Variants in ROBO2 observed in about 807,000 individuals in gnomAD.
The protein encoded by ROBO2 is roundabout guidance receptor 2.
A neutral mutation model predicts 160.8 loss-of-function variants in ROBO2; 53 were observed. That is an observed-to-expected ratio of 0.33 (90% CI 0.26 to 0.41). The LOEUF (loss-of-function observed/expected upper bound fraction) is 0.41. ROBO2 is among the 10% of genes least tolerant of loss of function. ROBO2 has a pLI of 1.00. For synonymous variants in ROBO2, 664 were observed against 611.7 expected, an observed-to-expected ratio of 1.09 and a Z score of -1.26; for missense variants, 1,577 against 1,722.4, an observed-to-expected ratio of 0.92 and a Z score of 1.49.
chr3:77,014,439 T>C (rs1169869838), intron 2 of ROBO2, among the ~76,000 whole-genome samples: 1 of 152,130 alleles, frequency 6.6e-6, no homozygotes, highest in Non-Finnish European at 1.5e-5. Flanking sequence ...ACGGAGATAC[T>C]CATAAGGTGA....
chr3:76,144,085 T>C (rs13074390), intron 2 of ROBO2, among the ~76,000 whole-genome samples: 127,681 of 151,872 alleles, frequency 0.84, 54,890 homozygotes, highest in East Asian at 0.98. Flanking sequence ...CACAGACACC[T>C]CAGAATGATG....
intron 6 of ROBO2, among the ~76,000 whole-genome samples, chr3:77,539,093 G>C (rs893462473): frequency 6.6e-6 from 1 of 151,968 alleles, no homozygotes; most frequent in Non-Finnish European, 1.5e-5. Context: ...AATTTGTTTT[G>C]TATTTTAGTG....
At chr3:76,629,438 G>T (rs541258462) in intron 2 of ROBO2, among the ~76,000 whole-genome samples, 2 of 152,148 alleles carry the variant, frequency 1.3e-5, no homozygotes, top group Non-Finnish European at 2.9e-5. Flanking sequence ...AAAGAAGCCA[G>T]TCCAAGTTCC....
intron 2 of ROBO2, among the ~76,000 whole-genome samples, chr3:76,257,572 T>C (rs568105138): frequency 1.3e-5 from 2 of 152,324 alleles, no homozygotes; most frequent in Non-Finnish European, 2.9e-5. Context: ...ATATTGTATG[T>C]GCTGATCGCT....
chr3:77,150,906 T>C (rs1280135028), intron 2 of ROBO2, among the ~76,000 whole-genome samples: 1 of 152,154 alleles, frequency 6.6e-6, no homozygotes, highest in African/African-American at 2.4e-5. Flanking sequence ...GATTTGACCA[T>C]GTGAAAGTCA....
chr3:77,477,529 A>T lies in ROBO2; in HGVS notation c.504A>T (p.Lys168Asn), dbSNP rs1408163131. The T allele has an allele frequency of 6.2e-7, 1 of 1,614,046 alleles. No individual in the cohort carries two copies. The highest frequency in any genetic ancestry group is 1.3e-5 in the African/African-American group (1 of 74,920). The change falls in exon 3 of 26, where the codon AAA (lysine) becomes AAT (asparagine). Residue 168 changes from lysine to asparagine, a missense_variant. Physicochemically the swap from Lys to Asn is moderately conservative, Grantham distance 94. Transcript: ENST00000461745. The stretch of plus-strand genomic sequence containing the variant: ...ACCCAGAACCCACCATCTACTGGAA[A>T]AAAGACAAAGTTCGAATTGATGACA...
intron 2 of ROBO2, among the ~76,000 whole-genome samples, chr3:76,472,978 CAGT>C (rs1279303649): frequency 1.3e-5 from 2 of 152,066 alleles, no homozygotes; most frequent in African/African-American, 2.4e-5. Flanking sequence ...AGAAGACTAT[CAGT>C]GGTGTTTACG....
chr3:76,395,002 C>T (rs2077356320), intron 2 of ROBO2, among the ~76,000 whole-genome samples: 1 of 152,120 alleles, frequency 6.6e-6, no homozygotes, highest in African/African-American at 2.4e-5. Flanking sequence ...GAACTCTCCA[C>T]CCCAAATCAA....
chr3:76,068,540 A>G (rs932994493), intron 2 of ROBO2, among the ~76,000 whole-genome samples: 2 of 152,168 alleles, frequency 1.3e-5, no homozygotes, highest in African/African-American at 2.4e-5. Flanking sequence ...ACATTATTCC[A>G]CCAACTTTTC....
chr3:76,688,519 A>G (rs1320152561), intron 2 of ROBO2, among the ~76,000 whole-genome samples: 2 of 151,832 alleles, frequency 1.3e-5, no homozygotes, highest in Non-Finnish European at 2.9e-5. Context: ...ACTAAACATT[A>G]AAGTATGAAA....
chr3:76,881,745 G>C (rs1227518811), intron 2 of ROBO2, among the ~76,000 whole-genome samples: 3 of 152,200 alleles, frequency 2.0e-5, no homozygotes, highest in Non-Finnish European at 4.4e-5. Flanking sequence ...CTCTGAATAT[G>C]TCTTTTGACC....
chr3:77,502,692 G>T (rs141529408), intron 5 of ROBO2, among the ~76,000 whole-genome samples: 30 of 152,118 alleles, frequency 2.0e-4, no homozygotes, highest in African/African-American at 6.7e-4. Context: ...AAAAATAATA[G>T]AAATAAAAAT....
At chr3:76,390,765 G>A (rs1466424859) in intron 2 of ROBO2, among the ~76,000 whole-genome samples, 1 of 152,042 alleles carries the variant, frequency 6.6e-6, no homozygotes, top group South Asian at 2.1e-4. Context: ...GAAAATGTTG[G>A]TCTTGCCCCT....
At position 76,284,105 on chromosome 3, in the gene ROBO2, G is replaced by GTTTT. The variant is rs1197210973; in HGVS notation, c.109+346504_109+346507dup. Reference sequence around the variant, plus strand: ...TATCCTTATTTTTCCATTACTGTATGTTTTCACCTTTAAAAAATATAGATG... The same window carrying GTTTT: ...TATCCTTATTTTTCCATTACTGTATGTTTTTTTTCACCTTTAAAAAATATAGATG... On this transcript the variant is annotated intron_variant, in intron 2 of 26. Coordinates refer to the ROBO2 transcript ENST00000487694. Among the ~76,000 whole-genome samples the GTTTT allele has an allele frequency of 9.9e-5, 15 of 151,872 alleles. No individual in the cohort carries two copies. The East Asian group carries it at 2.9e-3, about 30-fold the overall frequency.
chr3:76,860,769 A>C (rs2070690711), intron 2 of ROBO2, among the ~76,000 whole-genome samples: 1 of 116,938 alleles, frequency 8.6e-6, no homozygotes, highest in Non-Finnish European at 1.8e-5. Context: ...AACAACAAAC[A>C]AAAAAATCAC....
chr3:76,524,450 C>T (rs2081817114), intron 2 of ROBO2, among the ~76,000 whole-genome samples: 1 of 151,782 alleles, frequency 6.6e-6, no homozygotes, highest in African/African-American at 2.4e-5. Flanking sequence ...ATTAGAAGGT[C>T]CCTTATAGAT....
rs575536694 is a variant in ROBO2 at position 75,973,490 on chromosome 3, C to T, written c.109+35888C>T. Among the ~76,000 whole-genome samples the T allele has an allele frequency of 3.3e-4, 50 of 151,572 alleles. 1 individual carries two copies. Among genetic ancestry groups the T allele is most frequent in the Non-Finnish European group, 6.1e-4 (41 of 67,752 alleles). The stretch of plus-strand genomic sequence containing the variant: ...CCAGGAACTGAAAAGGCAAAAGGAA[C>T]TAAGTGATGGAAGGAGCAAGAGGGA... On this transcript the variant is annotated intron_variant, in intron 2 of 26. Coordinates refer to the ROBO2 transcript ENST00000487694.
intron 2 of ROBO2, among the ~76,000 whole-genome samples, chr3:77,370,992 G>C (rs552982572): frequency 6.6e-6 from 1 of 152,304 alleles, no homozygotes; most frequent in East Asian, 1.9e-4. Flanking sequence ...TCTTCAAGGG[G>C]TGGAAAGTTG....
At chr3:76,586,162 A>T (rs1025886335) in intron 2 of ROBO2, among the ~76,000 whole-genome samples, 3 of 152,234 alleles carry the variant, frequency 2.0e-5, no homozygotes, top group Non-Finnish European at 2.9e-5. Context: ...GGTGGTGCTT[A>T]GATTAAAAAT....
Sources: allele counts gnomAD v4.1 joint callset (sites outside exome capture counted in the v4.1 genomes callset), GRCh38; gene constraint gnomAD v4.1.1; transcripts MANE v1.5; gene names NCBI Gene and HGNC (gene_info 2026-07-23, HGNC 2026-07-21).